Variants in IHO1 observed in about 807,000 individuals in gnomAD.
IHO1 encodes interactor of HORMAD1 protein 1.
In IHO1, 13 loss-of-function variants were observed where a neutral mutation model predicts 31.0. The observed-to-expected ratio is 0.42, with a 90% CI of 0.27 to 0.67. IHO1 has a LOEUF of 0.67. IHO1 is among the 30% of genes least tolerant of loss of function. The pLI is 0.24. For missense variants in IHO1, 599 were observed against 687.5 expected (o/e 0.87, Z 1.44); for synonymous variants, 221 against 248.4 (o/e 0.89, Z 1.04).
At chr3:49,192,248 G>A in the IHO1 span, among the ~76,000 whole-genome samples, 1 of 152,162 alleles carries the variant, frequency 6.6e-6, no homozygotes, top group East Asian at 1.9e-4. Flanking sequence ...TATCTCTTAG[G>A]AGTTTGTGGT....
At chr3:49,242,140 G>T (rs984387478) in intron 4 of IHO1, among the ~76,000 whole-genome samples, 4 of 145,870 alleles carry the variant, frequency 2.7e-5, no homozygotes, top group Admixed American at 2.7e-4. Context: ...GACGGGGTTC[G>T]CCATGTTGGC....
chr3:49,255,264 C>G (rs1458554443), intron 6 of IHO1, 126 bp from the exon 7 acceptor site: 10 of 592,248 alleles, frequency 1.7e-5, no homozygotes, highest in Non-Finnish European at 2.9e-5. Flanking sequence ...GGAAGGAGAG[C>G]CTGGAGGAAC....
In IHO1 at chr3:49,247,995, G is replaced by A. The variant is rs571720202; in HGVS notation, c.532+3262G>A. On this transcript the variant is annotated intron_variant, in intron 6 of 7. Coordinates refer to ENST00000452691, the MANE Select transcript of IHO1 (RefSeq NM_001135197.2). ...CATAAATTAGCCATGCGTGATGGCTGGAGCCTGTAATTCCAGCTACTTGGG... is the reference window on the plus strand; with the variant it reads ...CATAAATTAGCCATGCGTGATGGCTAGAGCCTGTAATTCCAGCTACTTGGG... 3.0e-4 allele frequency among the ~76,000 whole-genome samples: 46 copies of A among 151,932 alleles called. No homozygotes were observed. The South Asian group carries it at 9.4e-3, about 31-fold the overall frequency.
chr3:49,232,327 T>C (rs1317045948), intron 2 of IHO1, among the ~76,000 whole-genome samples: 3 of 152,204 alleles, frequency 2.0e-5, no homozygotes, highest in Non-Finnish European at 4.4e-5. Context: ...TCTAGCATGA[T>C]TGACTTTAAA....
upstream of IHO1, among the ~76,000 whole-genome samples, chr3:49,195,460 G>A (rs1471465346): frequency 1.3e-5 from 2 of 149,074 alleles, no homozygotes; most frequent in African/African-American, 2.5e-5. Context: ...GCTCACACCA[G>A]TAATCCCAGC....
intron 6 of IHO1, 53 bp downstream of exon 6, chr3:49,244,786 A>T: frequency 6.7e-7 from 1 of 1,494,044 alleles, no homozygotes; most frequent in Non-Finnish European, 9.3e-7. Context: ...AATGATGAAC[A>T]TGAACTTTCT....
intron 6 of IHO1, among the ~76,000 whole-genome samples, chr3:49,247,139 G>A (rs1049155856): frequency 2.0e-5 from 3 of 150,854 alleles, no homozygotes; most frequent in Admixed American, 6.6e-5. Context: ...GTGAGCTACC[G>A]CGCCTGGCAG....
Position 49,224,893 on chromosome 3 carries a change from C to G in IHO1, c.57-11655C>G, listed in dbSNP as rs1402271766. Among the ~76,000 whole-genome samples, 8 of 152,204 alleles carry G rather than the reference C, an allele frequency of 5.3e-5. No individual in the cohort carries two copies. The East Asian group carries it at 1.3e-3, about 26-fold the overall frequency. On this transcript the variant is annotated intron_variant, in intron 2 of 7. Transcript: ENST00000452691. ...AGGGCCATTCCCTCAAGGAGTAGCA[C>G]CTGGTATCTAAGTAGGCAGTTGTCT...
chr3:49,213,781 C>T (rs185178754), intron 2 of IHO1: 20 of 172,004 alleles, frequency 1.2e-4, no homozygotes, highest in Admixed American at 2.3e-4. Context: ...CGAGCTGGCC[C>T]GCAAGTGCAT....
chr3:49,198,331 C>T (rs1025011520), upstream of IHO1: 1 of 152,238 alleles, frequency 6.6e-6, no homozygotes, highest in Non-Finnish European at 1.5e-5. Context: ...CTGATCTCTG[C>T]CTCCTCTTTG....
chr3:49,208,949 G>A (rs1206138653), intron 1 of IHO1, among the ~76,000 whole-genome samples: 1 of 152,190 alleles, frequency 6.6e-6, no homozygotes, highest in Non-Finnish European at 1.5e-5. Context: ...CCTCTTGTGT[G>A]GTAGGGGTTG....
chr3:49,254,203 G>C (rs753823128), intron 6 of IHO1, among the ~76,000 whole-genome samples: 1 of 152,070 alleles, frequency 6.6e-6, no homozygotes, highest in East Asian at 1.9e-4. Flanking sequence ...TTAAACATTC[G>C]TTGAATAAAT....
upstream of IHO1, among the ~76,000 whole-genome samples, chr3:49,196,979 C>CT (rs1162418107): frequency 0.013 from 1,193 of 94,306 alleles, 23 homozygotes; most frequent in Non-Finnish European, 0.015. Flanking sequence ...CACGTTTTTA[C>CT]TTTTTTTTTT....
At chr3:49,193,197 T>C in the IHO1 span, among the ~76,000 whole-genome samples, 1 of 150,600 alleles carries the variant, frequency 6.6e-6, no homozygotes, top group East Asian at 2.0e-4. Flanking sequence ...ATGGTGAAAC[T>C]CTGTCTCTAC....
intron 2 of IHO1, among the ~76,000 whole-genome samples, chr3:49,231,640 A>T (rs190784677): frequency 6.6e-6 from 1 of 152,248 alleles, no homozygotes; most frequent in African/African-American, 2.4e-5. Context: ...CATTTGCCCA[A>T]TTGCAAACAG....
upstream of IHO1, among the ~76,000 whole-genome samples, chr3:49,195,810 A>G (rs1013283022): frequency 1.3e-5 from 2 of 151,490 alleles, no homozygotes; most frequent in Non-Finnish European, 2.9e-5. Context: ...CAGGATAGAA[A>G]TCACCTGGGG....
chr3:49,231,158 G>T (rs1184133106), intron 2 of IHO1, among the ~76,000 whole-genome samples: 1 of 152,130 alleles, frequency 6.6e-6, no homozygotes, highest in Non-Finnish European at 1.5e-5. Context: ...GATAGGAAAT[G>T]GGAGAACTTG....
intron 2 of IHO1, among the ~76,000 whole-genome samples, chr3:49,213,372 C>G (rs1429633185): frequency 6.6e-6 from 1 of 152,218 alleles, no homozygotes; most frequent in Non-Finnish European, 1.5e-5. Context: ...CATTTACAAA[C>G]CTTGAGCTAG....
At chr3:49,202,699 A>G (rs1018790553) in intron 1 of IHO1, among the ~76,000 whole-genome samples, 1 of 150,700 alleles carries the variant, frequency 6.6e-6, no homozygotes, top group Non-Finnish European at 1.5e-5. Flanking sequence ...TTTTTCAGAT[A>G]GAGTCTCGCT....
Sources: allele counts gnomAD v4.1 joint callset (sites outside exome capture counted in the v4.1 genomes callset), GRCh38; gene constraint gnomAD v4.1.1; transcripts MANE v1.5; gene names NCBI Gene and HGNC (gene_info 2026-07-23, HGNC 2026-07-21).